Variants in ZNF366 observed in about 807,000 individuals in gnomAD.
ZNF366 encodes the protein zinc finger protein 366.
A neutral mutation model predicts 47.2 loss-of-function variants in ZNF366; 20 were observed. The observed-to-expected ratio is 0.42, with a 90% CI of 0.30 to 0.62. The LOEUF (loss-of-function observed/expected upper bound fraction) is 0.62. ZNF366 is among the 20% of genes least tolerant of loss of function. The probability of loss-of-function intolerance (pLI) is 0.16; values close to 1 mark genes in which losing one functional copy is unlikely to be tolerated. For missense variants in ZNF366, 987 were observed against 976.3 expected (o/e 1.01, Z -0.15); for synonymous variants, 421 against 395.1 (o/e 1.07, Z -0.78).
chr5:72,462,449 G>A (rs1411324225), intron 1 of ZNF366, among the ~76,000 whole-genome samples: 2 of 152,130 alleles, frequency 1.3e-5, no homozygotes, highest in African/African-American at 4.8e-5. Context: ...GTCTGAAAGA[G>A]CTGGTGGTGG....
chr5:72,456,039 G>T (rs1743175581), intron 3 of ZNF366, among the ~76,000 whole-genome samples: 1 of 152,178 alleles, frequency 6.6e-6, no homozygotes, highest in African/African-American at 2.4e-5. Flanking sequence ...GTAAGGAGAA[G>T]AAGGCTAAAC....
intron 1 of ZNF366, among the ~76,000 whole-genome samples, chr5:72,463,523 C>T (rs1743373471): frequency 6.6e-6 from 1 of 152,188 alleles, no homozygotes; most frequent in South Asian, 2.1e-4. Flanking sequence ...ATGGTAGGCC[C>T]AGCCTGTGTC....
chr5:72,457,928 G>T (rs558618874), intron 2 of ZNF366, among the ~76,000 whole-genome samples: 1 of 151,398 alleles, frequency 6.6e-6, no homozygotes, highest in Non-Finnish European at 1.5e-5. Flanking sequence ...AAAATGTAGT[G>T]CATATTCAAA....
At chr5:72,478,218 C>T (rs1364366123) in intron 1 of ZNF366, among the ~76,000 whole-genome samples, 1 of 146,772 alleles carries the variant, frequency 6.8e-6, no homozygotes, top group East Asian at 2.1e-4. Flanking sequence ...CTGTGCCAGG[C>T]CTTGTGTGGG....
chr5:72,462,826 C>T (rs971670140), intron 1 of ZNF366, among the ~76,000 whole-genome samples: 5 of 152,174 alleles, frequency 3.3e-5, no homozygotes, highest in Non-Finnish European at 7.4e-5. Flanking sequence ...TGTGGGATTA[C>T]AGGCGTGAGC....
intron 3 of ZNF366, among the ~76,000 whole-genome samples, chr5:72,450,356 G>T (rs1743041765): frequency 6.6e-6 from 1 of 152,124 alleles, no homozygotes; most frequent in Non-Finnish European, 1.5e-5. Flanking sequence ...ATGCACAGGG[G>T]TGAGCGCCTG....
chr5:72,482,106 A>G (rs1196258717), intron 1 of ZNF366, among the ~76,000 whole-genome samples: 2 of 152,150 alleles, frequency 1.3e-5, no homozygotes, highest in African/African-American at 2.4e-5. Flanking sequence ...GCACTGTTTC[A>G]TCAGTCCATT....
At chr5:72,454,753 A>G (rs1743146344) in intron 3 of ZNF366, among the ~76,000 whole-genome samples, 1 of 152,242 alleles carries the variant, frequency 6.6e-6, no homozygotes, top group Non-Finnish European at 1.5e-5. Flanking sequence ...CCTCCATTGT[A>G]GGAGACAGTA....
intron 2 of ZNF366, 74 bp downstream of exon 2, chr5:72,460,091 C>G (rs909666875): frequency 6.5e-7 from 1 of 1,537,550 alleles, no homozygotes; most frequent in Non-Finnish European, 8.8e-7. Context: ...AGGCGTCCTG[C>G]TCCCCAGTGC....
At chr5:72,492,824 T>A (rs1190016877) in intron 1 of ZNF366, among the ~76,000 whole-genome samples, 1 of 152,220 alleles carries the variant, frequency 6.6e-6, no homozygotes, top group African/African-American at 2.4e-5. Context: ...TTAGAGGGTC[T>A]AATGGCCTTA....
At chr5:72,502,610 T>A (rs1240953387) in intron 1 of ZNF366, among the ~76,000 whole-genome samples, 1 of 152,220 alleles carries the variant, frequency 6.6e-6, no homozygotes, top group Non-Finnish European at 1.5e-5. Flanking sequence ...ATCAATCTTT[T>A]TGCCTTTCTA....
At chr5:72,487,702 G>C (rs1743917644) in intron 1 of ZNF366, among the ~76,000 whole-genome samples, 2 of 152,182 alleles carry the variant, frequency 1.3e-5, no homozygotes, top group South Asian at 4.1e-4. Flanking sequence ...GATGGGGAAG[G>C]CTTAAGCTCA....
chr5:72,472,358 T>G (rs1479570041), intron 1 of ZNF366, among the ~76,000 whole-genome samples: 1 of 152,250 alleles, frequency 6.6e-6, no homozygotes, highest in Non-Finnish European at 1.5e-5. Flanking sequence ...TGTTCTTTTT[T>G]TGTGTGTTTT....
At position 72,444,256 on chromosome 5, in the gene ZNF366, C is replaced by A; in HGVS notation, c.1735G>T (p.Ala579Ser). The A allele has an allele frequency of 6.2e-7, 1 of 1,613,188 alleles. No homozygotes were observed. Among genetic ancestry groups the A allele is most frequent in the Non-Finnish European group, 8.5e-7 (1 of 1,179,816 alleles). Residue 579 changes from alanine (A) to serine (S), a missense_variant, in exon 5 of 5, where the codon GCC (alanine) becomes TCC (serine). Coordinates refer to ENST00000318442, the MANE Select transcript of ZNF366 (RefSeq NM_152625.3). ...TGCTCCAGACTCCTCAGGACACCGG[C>A]TGTCTGTGCCAGGGCGATTCTCCCC... is the stretch of plus-strand genomic sequence containing the variant. ...GRGRIALAQT[A>S]GVLRSLEQEE...
intron 1 of ZNF366, among the ~76,000 whole-genome samples, chr5:72,502,195 T>C (rs1744223195): frequency 6.6e-6 from 1 of 152,232 alleles, no homozygotes; most frequent in Non-Finnish European, 1.5e-5. Flanking sequence ...CAGACAGCAG[T>C]GGACAAAACA....
chr5:72,471,419 A>G (rs1298151263), intron 1 of ZNF366, among the ~76,000 whole-genome samples: 3 of 152,228 alleles, frequency 2.0e-5, no homozygotes, highest in Non-Finnish European at 2.9e-5. Context: ...GATAAAATAC[A>G]TGCACTTATC....
chr5:72,496,124 G>T (rs1744106930), intron 1 of ZNF366, among the ~76,000 whole-genome samples: 1 of 151,576 alleles, frequency 6.6e-6, no homozygotes, highest in East Asian at 1.9e-4. Flanking sequence ...GCTTTATTGA[G>T]GTATAATTTA....
intron 1 of ZNF366, among the ~76,000 whole-genome samples, chr5:72,487,369 A>G (rs1458487776): frequency 6.6e-6 from 1 of 152,234 alleles, no homozygotes; most frequent in East Asian, 1.9e-4. Context: ...TTTGCTCTAA[A>G]CAAAGTACTT....
At chr5:72,475,770 A>G (rs533234803) in intron 1 of ZNF366, among the ~76,000 whole-genome samples, 4 of 152,316 alleles carry the variant, frequency 2.6e-5, no homozygotes, top group African/African-American at 9.6e-5. Flanking sequence ...TGAGGGTAAG[A>G]CATGCCCTCT....
Sources: gnomAD v4.1 joint callset for allele counts (sites outside exome capture counted in the v4.1 genomes callset) on GRCh38, gnomAD v4.1.1 for gene constraint, MANE v1.5 for transcripts, NCBI Gene and HGNC (gene_info 2026-07-23, HGNC 2026-07-21) for gene names.